The following LIPK variants were observed in gnomAD, a reference collection of about 807,000 sequenced individuals.
The protein encoded by LIPK is lipase member K.
In LIPK, 32 loss-of-function variants were observed where a neutral mutation model predicts 48.6. The ratio of observed to expected loss-of-function variants is 0.66; its 90% CI spans 0.50 to 0.88. The LOEUF is 0.88. Ranked by LOEUF, LIPK falls within the 40% of genes least tolerant of loss-of-function variation. The pLI is 0.00. For synonymous variants in LIPK, 164 were observed against 157.4 expected (o/e 1.04, Z -0.32); for missense variants, 507 against 478.5 (o/e 1.06, Z -0.56).
In LIPK at chr10:88,732,297, G is replaced by T. The variant is rs1430295547; in HGVS notation, c.532+10G>T. ...CAAGGCACCACCATAGGTGTGTTTG[G>T]GGCAGATGTGATCAGAGAATGTCAG... On this transcript the variant is annotated intron_variant, in intron 5 of 9. Transcript: ENST00000404190. The T allele has an allele frequency of 8.7e-6, 14 of 1,608,408 alleles. No individual in the cohort carries two copies. Among genetic ancestry groups the T allele is most frequent in the Non-Finnish European group, 1.2e-5 (14 of 1,176,878 alleles).
chr10:88,732,783 C>G (rs974495218), intron 6 of LIPK, among the ~76,000 whole-genome samples: 5 of 152,180 alleles, frequency 3.3e-5, no homozygotes, highest in Admixed American at 2.0e-4. Context: ...GTGTCTGCTG[C>G]GCCATTCCTC....
At chr10:88,728,521 A>C (rs1423076350) in intron 3 of LIPK, 1 of 296,514 alleles carries the variant, frequency 3.4e-6, no homozygotes, top group African/African-American at 2.2e-5. Context: ...CTCAACGCTG[A>C]GCCTGCAGAG....
chr10:88,737,038 C>G (rs1842586088), intron 6 of LIPK, among the ~76,000 whole-genome samples: 1 of 152,056 alleles, frequency 6.6e-6, no homozygotes, highest in Non-Finnish European at 1.5e-5. Flanking sequence ...TGAAATTACA[C>G]TAGTAAAGAT....
intron 5 of LIPK, 39 bp downstream of exon 5, chr10:88,732,326 C>CTCT: frequency 1.3e-6 from 2 of 1,593,752 alleles, no homozygotes; most frequent in Non-Finnish European, 1.7e-6. Flanking sequence ...ATGTCAGGGG[C>CTCT]TCTTCTTCCA....
chr10:88,734,567 T>C (rs1334216222), intron 6 of LIPK, among the ~76,000 whole-genome samples: 1 of 152,142 alleles, frequency 6.6e-6, no homozygotes, highest in Admixed American at 6.5e-5. Context: ...ATAATGCCCC[T>C]TTTTAGAAAG....
chr10:88,724,500 T>C (rs1842294019), intron 1 of LIPK, 33 bp from the exon 2 acceptor site: 5 of 1,285,776 alleles, frequency 3.9e-6, no homozygotes, highest in Non-Finnish European at 5.5e-6. Flanking sequence ...GAATTTATCT[T>C]TGATGACAAA....
At chr10:88,707,511 T>G (rs1841957192) in intron 1 of LIPK, among the ~76,000 whole-genome samples, 1 of 152,146 alleles carries the variant, frequency 6.6e-6, no homozygotes, top group South Asian at 2.1e-4. Context: ...ATCGAAGACA[T>G]GTGAAATATA....
intron 1 of LIPK, among the ~76,000 whole-genome samples, chr10:88,714,242 T>A (rs1412394651): frequency 1.3e-5 from 2 of 152,202 alleles, no homozygotes; most frequent in Non-Finnish European, 2.9e-5. Flanking sequence ...TTTTTTATTA[T>A]AAAGTGGTGT....
At chr10:88,728,487 G>C (rs1345357488) in intron 3 of LIPK, 4 of 236,220 alleles carry the variant, frequency 1.7e-5, no homozygotes, top group Non-Finnish European at 3.5e-5. Context: ...ACGCAGAGCA[G>C]CGTGGGGAGT....
intron 1 of LIPK, among the ~76,000 whole-genome samples, chr10:88,720,715 GCACACACA>G (rs3068334): frequency 1.1e-3 from 169 of 150,202 alleles, no homozygotes; most frequent in Non-Finnish European, 2.0e-3. Flanking sequence ...CAAGTTTTAT[GCACACACA>G]CACACACACA....
rs117203840 is a variant in LIPK, at chr10:88,732,784, G to A, written c.669+233G>A. Among the ~76,000 whole-genome samples, 347 of 152,280 alleles carry A rather than the reference G, an allele frequency of 2.3e-3. 10 individuals are homozygous for A. In the East Asian group the frequency reaches 0.051, roughly 22 times the overall value. ...CTATGTCTAGAAACGTGTCTGCTGC[G>A]CCATTCCTCAACCACAGATAGAGAG... On this transcript the variant is annotated intron_variant, in intron 6 of 9. Coordinates refer to ENST00000404190, the MANE Select transcript of LIPK (RefSeq NM_001080518.2).
At chr10:88,741,984 G>T (rs534930914) in intron 8 of LIPK, among the ~76,000 whole-genome samples, 17 of 152,290 alleles carry the variant, frequency 1.1e-4, no homozygotes, top group African/African-American at 3.9e-4. Context: ...ATGGCTAGGA[G>T]GCCTCAAGAA....
At chr10:88,726,993 G>T in intron 3 of LIPK, 81 bp downstream of exon 3, 2 of 816,702 alleles carry the variant, frequency 2.4e-6, no homozygotes, top group East Asian at 5.3e-5. Context: ...AGCAGTTTTT[G>T]TTCTGAAATT....
chr10:88,714,286 A>G (rs1842076594), intron 1 of LIPK, among the ~76,000 whole-genome samples: 1 of 152,176 alleles, frequency 6.6e-6, no homozygotes, highest in Non-Finnish European at 1.5e-5. Flanking sequence ...CAATTTTAAA[A>G]CTGATCATTT....
At chr10:88,727,197 G>A (rs1386825320) in intron 3 of LIPK, among the ~76,000 whole-genome samples, 4 of 152,130 alleles carry the variant, frequency 2.6e-5, no homozygotes, top group African/African-American at 4.8e-5. Flanking sequence ...CCTCTGTCCC[G>A]TTTTGAAAAT....
chr10:88,716,233 A>C (rs747501684), intron 1 of LIPK, among the ~76,000 whole-genome samples: 4 of 152,128 alleles, frequency 2.6e-5, no homozygotes, highest in Non-Finnish European at 4.4e-5. Flanking sequence ...AAAAAGAATG[A>C]CAGAGAAAAG....
intron 1 of LIPK, among the ~76,000 whole-genome samples, chr10:88,722,838 A>G (rs1842254390): frequency 6.7e-6 from 1 of 150,052 alleles, no homozygotes; most frequent in South Asian, 2.1e-4. Flanking sequence ...AAATAAAATG[A>G]GGACAATATT....
chr10:88,718,216 T>C (rs1251558137), intron 1 of LIPK, among the ~76,000 whole-genome samples: 1 of 150,850 alleles, frequency 6.6e-6, no homozygotes, highest in Non-Finnish European at 1.5e-5. Flanking sequence ...AGGCAAGATA[T>C]GGTTTCATGT....
At chr10:88,751,504 C>T (rs979730697) in intron 9 of LIPK, among the ~76,000 whole-genome samples, 3 of 152,050 alleles carry the variant, frequency 2.0e-5, no homozygotes, top group Admixed American at 6.6e-5. Flanking sequence ...GGATTACAGG[C>T]GTGAGCCACC....
Sources: allele counts gnomAD v4.1 joint callset (sites outside exome capture counted in the v4.1 genomes callset), GRCh38; gene constraint gnomAD v4.1.1; transcripts MANE v1.5; gene names NCBI Gene and HGNC (gene_info 2026-07-23, HGNC 2026-07-21).